ADORA2B: variants seen among roughly 807,000 people sequenced by gnomAD.
ADORA2B encodes adenosine A2b receptor, also known as adenosine receptor A2b.
Under a neutral mutation model 20.8 loss-of-function variants are expected in ADORA2B, and 18 were observed. The observed-to-expected ratio is 0.87, with a 90% CI of 0.60 to 1.29. The LOEUF is 1.29. Ranked by LOEUF, ADORA2B falls within the 50% of genes most tolerant of loss-of-function variation. The pLI is 0.00. For synonymous variants in ADORA2B, 179 were observed against 178.3 expected, an observed-to-expected ratio of 1.00 and a Z score of -0.03; for missense variants, 441 against 422.7, an observed-to-expected ratio of 1.04 and a Z score of -0.38.
At chr17:15,937,089 C>T in the ADORA2B span, among the ~76,000 whole-genome samples, 38 of 152,146 alleles carry the variant, frequency 2.5e-4, no homozygotes, top group Non-Finnish European at 5.1e-4. Context: ...CCATATTTTC[C>T]TTCTTATATG....
chr17:15,871,655 C>T, the ADORA2B span, among the ~76,000 whole-genome samples: 3 of 152,262 alleles, frequency 2.0e-5, no homozygotes, highest in Non-Finnish European at 2.9e-5. Context: ...GCAGAAGGGG[C>T]CCATGTGACC....
the ADORA2B span, among the ~76,000 whole-genome samples, chr17:15,863,205 G>C: frequency 3.3e-5 from 5 of 152,152 alleles, no homozygotes; most frequent in Admixed American, 2.6e-4. Context: ...ATATTAATAT[G>C]CTTCTGATAT....
At chr17:15,862,211 C>CTTTTTTTTTTTT in the ADORA2B span, among the ~76,000 whole-genome samples, 14 of 96,290 alleles carry the variant, frequency 1.5e-4, no homozygotes, top group Admixed American at 2.4e-4. Context: ...CTTTTCTTTT[C>CTTTTTTTTTTTT]TTTTTTTTTT....
chr17:15,918,269 C>T, the ADORA2B span, among the ~76,000 whole-genome samples: 1 of 152,250 alleles, frequency 6.6e-6, no homozygotes, highest in Admixed American at 6.5e-5. Flanking sequence ...GTTCAGGTTT[C>T]AGCAGAGGAA....
the ADORA2B span, among the ~76,000 whole-genome samples, chr17:15,881,598 G>A: frequency 3.3e-5 from 5 of 152,144 alleles, no homozygotes; most frequent in Admixed American, 6.5e-5. Flanking sequence ...CCTATTCCCG[G>A]TCTTCAACCC....
chr17:15,884,571 C>T, the ADORA2B span, among the ~76,000 whole-genome samples: 4 of 151,976 alleles, frequency 2.6e-5, no homozygotes, highest in African/African-American at 9.7e-5. Context: ...GCTCTCACTC[C>T]CTCCACGCCC....
chr17:15,924,634 G>A, the ADORA2B span, among the ~76,000 whole-genome samples: 1 of 152,020 alleles, frequency 6.6e-6, no homozygotes, highest in Non-Finnish European at 1.5e-5. Context: ...CAGCTACTCA[G>A]GAGGCTGAGG....
chr17:15,867,510 G>A, the ADORA2B span, among the ~76,000 whole-genome samples: 46,577 of 133,590 alleles, frequency 0.35, 8,510 homozygotes, highest in African/African-American at 0.51. Context: ...TCTGCCCGGC[G>A]GCCACTCTGT....
At chr17:15,875,330 C>T in the ADORA2B span, among the ~76,000 whole-genome samples, 3 of 152,102 alleles carry the variant, frequency 2.0e-5, no homozygotes, top group African/African-American at 7.2e-5. Context: ...ACTGCTGTTT[C>T]TAGTTTTTCA....
At chr17:15,889,619 C>T in the ADORA2B span, among the ~76,000 whole-genome samples, 1 of 130,222 alleles carries the variant, frequency 7.7e-6, no homozygotes, top group Non-Finnish European at 1.6e-5. Context: ...CTAGGCCGGA[C>T]GTAGTGGCTC....
At chr17:15,939,018 C>T in the ADORA2B span, among the ~76,000 whole-genome samples, 79 of 152,014 alleles carry the variant, frequency 5.2e-4, no homozygotes, top group Non-Finnish European at 6.2e-4. Context: ...CAAGTAATTG[C>T]TTCTTTCTAC....
the ADORA2B span, among the ~76,000 whole-genome samples, chr17:15,938,341 C>T: frequency 1.3e-5 from 2 of 152,142 alleles, no homozygotes; most frequent in African/African-American, 2.4e-5. Context: ...CCCACTCTGT[C>T]GCCTGGGCTG....
At chr17:15,877,031 G>A in the ADORA2B span, among the ~76,000 whole-genome samples, 14,504 of 151,988 alleles carry the variant, frequency 0.095, 1,985 homozygotes, top group African/African-American at 0.3. Context: ...GGCTTATTTC[G>A]CTTAGCATAA....
At chr17:15,868,717 T>A in the ADORA2B span, among the ~76,000 whole-genome samples, 1 of 100,134 alleles carries the variant, frequency 1.0e-5, no homozygotes, top group Non-Finnish European at 2.5e-5. Context: ...GAGGTGGAGG[T>A]TGCAGTGAGC....
the ADORA2B span, among the ~76,000 whole-genome samples, chr17:15,897,845 A>G: frequency 1.3e-5 from 2 of 152,244 alleles, no homozygotes; most frequent in Admixed American, 6.5e-5. Flanking sequence ...TCGCTATTGT[A>G]GAAAGTTCAA....
chr17:15,851,864 C>G, the ADORA2B span, among the ~76,000 whole-genome samples: 1 of 152,170 alleles, frequency 6.6e-6, no homozygotes, highest in Non-Finnish European at 1.5e-5. Context: ...ACTTGATAGA[C>G]ACATTGCCCT....
the ADORA2B span, among the ~76,000 whole-genome samples, chr17:15,893,179 C>G: frequency 6.6e-6 from 1 of 152,202 alleles, no homozygotes; most frequent in Non-Finnish European, 1.5e-5. Context: ...TGTTTAAGCT[C>G]TCCTAGAGAC....
chr17:15,864,924 G>A, the ADORA2B span, among the ~76,000 whole-genome samples: 12 of 151,108 alleles, frequency 7.9e-5, no homozygotes, highest in Non-Finnish European at 1.3e-4. Flanking sequence ...AGGTAGTGGT[G>A]TGGGTTTTGT....
At chr17:15,912,214 CAA>C in the ADORA2B span, among the ~76,000 whole-genome samples, 18 of 75,898 alleles carry the variant, frequency 2.4e-4, no homozygotes, top group East Asian at 4.3e-4. Flanking sequence ...GACTCTGTCT[CAA>C]AAAAAAAAAA....
Sources: allele counts gnomAD v4.1 joint callset (sites outside exome capture counted in the v4.1 genomes callset), GRCh38; gene constraint gnomAD v4.1.1; transcripts MANE v1.5; gene names NCBI Gene and HGNC (gene_info 2026-07-23, HGNC 2026-07-21).